WDR36: variants seen among roughly 807,000 people sequenced by gnomAD.
The protein encoded by WDR36 is WD repeat-containing protein 36.
WDR36 carries 63 observed loss-of-function variants against 112.7 expected under a neutral mutation model. That is an observed-to-expected ratio of 0.56 (90% confidence interval 0.46 to 0.69). WDR36 has a LOEUF of 0.69. WDR36 is among the 30% of genes least tolerant of loss of function. The pLI, the probability that WDR36 is intolerant of heterozygous loss-of-function variation, is 0.00. For synonymous variants in WDR36, 410 were observed against 362.2 expected (o/e 1.13, Z -1.50); for missense variants, 1,226 against 1,070.3 (o/e 1.15, Z -2.03).
chr5:111,114,760 T>C (rs1753421779), intron 16 of WDR36, among the ~76,000 whole-genome samples: 1 of 152,216 alleles, frequency 6.6e-6, no homozygotes, highest in Admixed American at 6.5e-5. Flanking sequence ...TGTTGCTATT[T>C]TCTAAAAGTT....
intron 16 of WDR36, among the ~76,000 whole-genome samples, chr5:111,118,014 A>G (rs1177514440): frequency 6.6e-6 from 1 of 152,118 alleles, no homozygotes; most frequent in African/African-American, 2.4e-5. Context: ...TACTGTCACC[A>G]TTCTCTCTGT....
At chr5:111,104,633 G>A (rs1753188138) in intron 8 of WDR36, 64 bp from the exon 9 acceptor site, 5 of 1,608,956 alleles carry the variant, frequency 3.1e-6, no homozygotes, top group Non-Finnish European at 4.2e-6. Flanking sequence ...TGTAGGGGGT[G>A]ATTTGACTGC....
chr5:111,100,305 T>C (rs962655429), intron 4 of WDR36, among the ~76,000 whole-genome samples: 1 of 151,944 alleles, frequency 6.6e-6, no homozygotes, highest in African/African-American at 2.4e-5. Flanking sequence ...TTTAACTTTA[T>C]TATCCTTTTC....
In WDR36 at chr5:111,110,195, G is replaced by A; in HGVS notation, c.1333G>A (p.Asp445Asn). The change falls in exon 13 of 23, where the codon GAT becomes AAT. Residue 445 changes from aspartate to asparagine, a missense_variant. Asp to Asn is a conservative substitution (Grantham distance 23). Coordinates refer to ENST00000513710, the MANE Select transcript of WDR36 (RefSeq NM_139281.3). ...KKDDITATAVDITSCGNFAVI... is the reference protein window; with the variant it reads ...KKDDITATAVNITSCGNFAVI... ...TGGGTTTTTTTTCTTAAAGGCAGTG[G>A]ATATAACTTCTTGTGGAAACTTTGC... 3.1e-6 allele frequency: 5 copies of A among 1,609,350 alleles called. No individual in the cohort carries two copies. The highest frequency in any genetic ancestry group is 4.3e-6 in the Non-Finnish European group (5 of 1,176,344).
At chr5:111,097,805 G>A (rs1272247894) in intron 3 of WDR36, among the ~76,000 whole-genome samples, 1 of 152,188 alleles carries the variant, frequency 6.6e-6, no homozygotes, top group Non-Finnish European at 1.5e-5. Flanking sequence ...ATAGCCAAAT[G>A]ATAGTATCAC....
At chr5:111,116,291 A>G (rs773376696) in intron 16 of WDR36, among the ~76,000 whole-genome samples, 2 of 152,102 alleles carry the variant, frequency 1.3e-5, no homozygotes, top group Non-Finnish European at 2.9e-5. Flanking sequence ...AAAATTAAAT[A>G]ATCTTAATAG....
Position 111,097,138 on chromosome 5 carries a change from G to T in WDR36, c.250G>T (p.Ala84Ser). Residue 84 changes from alanine to serine, a missense_variant, in exon 3 of 23, where the codon GCT (alanine) becomes TCT (serine). Physicochemically the swap from Ala to Ser is moderately conservative, Grantham distance 99. Coordinates refer to ENST00000513710, the MANE Select transcript of WDR36 (RefSeq NM_139281.3). ...MAADGRLVFA[A>S]YGNVFSAFAR... ...AGCTGATGGCAGATTAGTCTTTGCT[G>T]CTTATGGAAATGTTTTCTCTGCATT... The T allele has an allele frequency of 6.2e-7, 1 of 1,613,738 alleles. No individual in the cohort carries two copies.
intron 1 of WDR36, among the ~76,000 whole-genome samples, chr5:111,093,905 T>C (rs542939979): frequency 5.3e-5 from 8 of 152,184 alleles, no homozygotes; most frequent in Non-Finnish European, 8.8e-5. Context: ...CTCCTCTAGT[T>C]CTAACACTGA....
intron 9 of WDR36, 58 bp downstream of exon 9, chr5:111,104,875 C>A (rs1753194071): frequency 6.2e-7 from 1 of 1,606,048 alleles, no homozygotes; most frequent in African/African-American, 1.3e-5. Context: ...TGTGGGTGCC[C>A]AGTATGAGGT....
At position 111,095,028 on chromosome 5, in the gene WDR36, T is replaced by C. The variant is rs557303258; in HGVS notation, c.190+81T>C. ...ACATAAATGTGAGACTTACAGAGCA[T>C]ATAAGGAAGCCAAGGTAACATGTAT... On this transcript the variant is annotated intron_variant, in intron 2 of 22. Coordinates refer to ENST00000513710, the MANE Select transcript of WDR36 (RefSeq NM_139281.3). 4 of 1,329,826 alleles carry C rather than the reference T, an allele frequency of 3.0e-6. No individual in the cohort carries two copies. The African/African-American group carries it at 5.8e-5, about 19-fold the overall frequency. 82.4% of individuals were successfully genotyped at this position (1,329,826 alleles called of 1,614,324 possible).
At chr5:111,120,625 G>T (rs1321656344) in intron 18 of WDR36, 32 bp downstream of exon 18, 3 of 1,545,662 alleles carry the variant, frequency 1.9e-6, no homozygotes, top group Non-Finnish European at 1.8e-6. Flanking sequence ...AATTTTTGAG[G>T]TGTAATATTA....
At chr5:111,126,112 AC>A (rs1753674680) in intron 22 of WDR36, among the ~76,000 whole-genome samples, 2 of 151,880 alleles carry the variant, frequency 1.3e-5, no homozygotes, top group South Asian at 4.2e-4. Flanking sequence ...TTTTGACTTT[AC>A]CCCCTGACAT....
chr5:111,106,574 T>C (rs1299252624), intron 11 of WDR36, among the ~76,000 whole-genome samples: 3 of 151,380 alleles, frequency 2.0e-5, no homozygotes, highest in Non-Finnish European at 1.5e-5. Flanking sequence ...ATATAGATAA[T>C]GGGTTTGTTG....
chr5:111,092,697 TC>T, intron 1 of WDR36, 79 bp downstream of exon 1: 1 of 1,469,678 alleles, frequency 6.8e-7, no homozygotes, highest in Non-Finnish European at 9.3e-7. Context: ...AGTCCGGTTC[TC>T]CCTTCCCATT....
Position 111,121,058 on chromosome 5 carries a change from G to C in WDR36, c.2065G>C (p.Glu689Gln), listed in dbSNP as rs778114189. Residue 689 changes from glutamate (E) to glutamine (Q), a missense_variant, in exon 19 of 23, where the codon GAA becomes CAA. Physicochemically the swap from Glu to Gln is conservative, Grantham distance 29 (BLOSUM62 2). Coordinates refer to ENST00000513710, the MANE Select transcript of WDR36 (RefSeq NM_139281.3). ...TGAATTGATAGAATATGATTCGCCAGAACAGTTGAATGAGCAATTGGTGAC... is the reference window on the plus strand; with the variant it reads ...TGAATTGATAGAATATGATTCGCCACAACAGTTGAATGAGCAATTGGTGAC... Reference protein sequence around the residue: ...SDELIEYDSPEQLNEQLVTLS... With the variant: ...SDELIEYDSPQQLNEQLVTLS... 3.7e-6 allele frequency: 6 copies of C among 1,613,494 alleles called. No homozygotes were observed. Among genetic ancestry groups the C allele is most frequent in the Non-Finnish European group, 5.1e-6 (6 of 1,179,664 alleles).
chr5:111,126,584 A>AG, intron 22 of WDR36, 150 bp from the exon 23 acceptor site: 1 of 837,346 alleles, frequency 1.2e-6, no homozygotes, highest in Middle Eastern at 3.7e-4. Context: ...TTGATAGAGG[A>AG]GGGGAAAATG....
intron 21 of WDR36, among the ~76,000 whole-genome samples, chr5:111,124,700 A>G (rs574527353): frequency 6.6e-6 from 1 of 152,322 alleles, no homozygotes; most frequent in Non-Finnish European, 1.5e-5. Flanking sequence ...GTGATTAGCC[A>G]TAAGAACTGT....
chr5:111,098,257 G>T (rs1359231054), intron 3 of WDR36, among the ~76,000 whole-genome samples: 1 of 152,160 alleles, frequency 6.6e-6, no homozygotes, highest in African/African-American at 2.4e-5. Context: ...ATCAGCTACT[G>T]TAAGGATCTC....
Position 111,127,006 on chromosome 5 carries a change from T to G in WDR36, c.*123T>G. The G allele has an allele frequency of 5.5e-6, 5 of 905,878 alleles. No homozygotes were observed. Among genetic ancestry groups the G allele is most frequent in the Non-Finnish European group, 8.1e-6 (5 of 613,950 alleles). 56.1% of individuals were successfully genotyped at this position (905,878 alleles called of 1,614,324 possible). A position where few individuals can be genotyped will look rare whatever the true frequency, so the allele number is the denominator to read the frequency against. On this transcript the variant is annotated 3_prime_UTR_variant, in exon 23 of 23. Transcript: ENST00000513710. ...CTAGCACTACTGACTAGTCAGTATA[T>G]CTCCACTTTAAATGCTAAATACTTT...
Sources: allele counts gnomAD v4.1 joint callset (sites outside exome capture counted in the v4.1 genomes callset), GRCh38; gene constraint gnomAD v4.1.1; transcripts MANE v1.5; gene names NCBI Gene and HGNC (gene_info 2026-07-23, HGNC 2026-07-21).